The following BAHCC1 variants were observed in gnomAD, a reference collection of about 807,000 sequenced individuals.
BAHCC1 encodes BAH domain and coiled-coil containing 1, also known as BAH and coiled-coil domain-containing protein 1.
A neutral mutation model predicts 88.2 loss-of-function variants in BAHCC1; 43 were observed. The observed-to-expected ratio is 0.49, with a 90% CI of 0.38 to 0.63. The LOEUF is 0.63. Ranked by LOEUF, BAHCC1 falls within the 20% of genes least tolerant of loss-of-function variation. The pLI, the probability that BAHCC1 is intolerant of heterozygous loss-of-function variation, is 0.00. For missense variants in BAHCC1, 3,023 were observed against 1,654.8 expected, an observed-to-expected ratio of 1.83 and a Z score of -14.34; for synonymous variants, 1,510 against 745.5, an observed-to-expected ratio of 2.03 and a Z score of -16.71.
chr17:81,410,630 G>A (rs782330929), intron 2 of BAHCC1, among the ~76,000 whole-genome samples: 56 of 152,294 alleles, frequency 3.7e-4, no homozygotes, highest in Middle Eastern at 3.4e-3. Context: ...CTGGCACCAC[G>A]GGCAGTGCAG....
rs1458363307 is a variant in BAHCC1 at position 81,435,133 on chromosome 17, C to T, written c.359-3237C>T. Among the ~76,000 whole-genome samples the T allele has an allele frequency of 2.0e-5, 3 of 152,168 alleles. No homozygotes were observed. The East Asian group carries it at 5.8e-4, about 29-fold the overall frequency. ...CCCCCACTGACTGCCCACTCTCTCT[C>T]CTCCTGCCCACACCACAGGCCTCCT... On this transcript the variant is annotated intron_variant, in intron 3 of 27. Coordinates refer to ENST00000675386, the MANE Select transcript of BAHCC1 (RefSeq NM_001377448.1). This position sits in a 1 kb window ranked among gnomAD's most constrained non-coding sequence, Gnocchi z 4.4.
intron 1 of BAHCC1, chr17:81,397,223 T>A (rs2063754779): frequency 6.6e-6 from 1 of 151,752 alleles, no homozygotes; most frequent in Non-Finnish European, 1.5e-5. Flanking sequence ...GCGACAGTAA[T>A]CCACCTCCTG....
intron 2 of BAHCC1, among the ~76,000 whole-genome samples, chr17:81,418,775 A>G (rs893730083): frequency 2.8e-3 from 35 of 12,646 alleles, no homozygotes; most frequent in African/African-American, 5.5e-3. Context: ...ACGTGTGTGT[A>G]CGTGTGTGTG....
At chr17:81,405,272 C>G (rs2063864829) in intron 2 of BAHCC1, among the ~76,000 whole-genome samples, 1 of 152,148 alleles carries the variant, frequency 6.6e-6, no homozygotes, top group Non-Finnish European at 1.5e-5. Context: ...CACCATGTTT[C>G]CCATGCTGGT....
chr17:81,416,176 A>G lies in BAHCC1; in HGVS notation c.179-10624A>G, dbSNP rs143167098. The stretch of plus-strand genomic sequence containing the variant: ...AGGATGGGTGTATGTGCGTGTGTGC[A>G]TGTGTCCATGAGGGTGGGTGTATGC... On this transcript the variant is annotated intron_variant, in intron 2 of 27. Transcript: ENST00000675386. Among the ~76,000 whole-genome samples the G allele has an allele frequency of 8.8e-3, 524 of 59,670 alleles. No individual in the cohort carries two copies. In the Middle Eastern group the frequency reaches 0.12, roughly 14 times the overall value. The allele number at this position is 59,670 out of a possible 152,430, so 39.1% of individuals were successfully genotyped here. A position where few individuals can be genotyped will look rare whatever the true frequency, so the allele number is the denominator to read the frequency against.
intron 2 of BAHCC1, among the ~76,000 whole-genome samples, chr17:81,425,084 T>G (rs1249216757): frequency 2.2e-5 from 3 of 133,772 alleles, no homozygotes; most frequent in African/African-American, 8.6e-5. Flanking sequence ...GTGGGTGATG[T>G]GGTTGGTGGT....
rs184813516 is a variant in BAHCC1 at position 81,457,390 on chromosome 17, C to T, written c.4859-20C>T. 5.1e-4 allele frequency: 390 copies of T among 757,612 alleles called. No homozygotes were observed. The highest frequency in any genetic ancestry group is 4.0e-3 in the African/African-American group (236 of 58,830). The allele number at this position is 757,612 out of a possible 1,614,324, so 46.9% of individuals were successfully genotyped here. A position where few individuals can be genotyped will look rare whatever the true frequency, so the allele number is the denominator to read the frequency against. Reference sequence around the variant, plus strand: ...ACAGCTTACCATCAAGTCATCAGGACCCCTCTGCCTCTCTCCCAGGCAGTG... The same window carrying T: ...ACAGCTTACCATCAAGTCATCAGGATCCCTCTGCCTCTCTCCCAGGCAGTG... On this transcript the variant is annotated intron_variant, in intron 16 of 27. Coordinates refer to ENST00000675386, the MANE Select transcript of BAHCC1 (RefSeq NM_001377448.1).
chr17:81,415,414 G>C (rs1223799411), intron 2 of BAHCC1: 6 of 375,426 alleles, frequency 1.6e-5, no homozygotes, highest in Non-Finnish European at 3.2e-5. Context: ...ACAGAGTTTG[G>C]CAGGGGGCAT....
chr17:81,419,396 G>A (rs1175176819), intron 2 of BAHCC1, among the ~76,000 whole-genome samples: 11 of 152,264 alleles, frequency 7.2e-5, no homozygotes, highest in Admixed American at 6.5e-4. Flanking sequence ...TTCCCGGAAT[G>A]AGGAATGTGG....
intron 2 of BAHCC1, among the ~76,000 whole-genome samples, chr17:81,418,816 T>TGTGTGTAC (rs2064075595): frequency 1.3e-5 from 2 of 151,492 alleles, no homozygotes; most frequent in African/African-American, 4.9e-5. Context: ...TGTACGTGTG[T>TGTGTGTAC]GTGTGTGTGT....
intron 2 of BAHCC1, among the ~76,000 whole-genome samples, chr17:81,409,094 G>C (rs782362784): frequency 2.6e-5 from 4 of 152,200 alleles, no homozygotes; most frequent in Non-Finnish European, 4.4e-5. Flanking sequence ...ACCCAGCCAG[G>C]GTCTCTGGTC....
intron 26 of BAHCC1, 118 bp downstream of exon 26, chr17:81,462,164 A>G (rs1555659697): frequency 1.3e-5 from 8 of 598,908 alleles, no homozygotes; most frequent in Non-Finnish European, 2.1e-5. Flanking sequence ...TCAAGTTAAA[A>G]AATGTGGAAA....
chr17:81,436,082 C>T (rs549121437), intron 3 of BAHCC1, among the ~76,000 whole-genome samples: 1 of 152,206 alleles, frequency 6.6e-6, no homozygotes, highest in East Asian at 1.9e-4. Context: ...GGCACCCAGC[C>T]CCTCCCTCTC....
rs1437713468 is a variant in BAHCC1, at chr17:81,464,756, C to T, written c.*939C>T. On this transcript the variant is annotated 3_prime_UTR_variant, in exon 28 of 28. Transcript: ENST00000675386. ...CTATATCTGATTTCTGTTTCCGGGG[C>T]CAGTTGGTCTGAGGCCAAGGAGTCT... 1 of 152,486 alleles carries T rather than the reference C, an allele frequency of 6.6e-6. No individual in the cohort carries two copies. Among genetic ancestry groups the T allele is most frequent in the Non-Finnish European group, 1.5e-5 (1 of 68,030 alleles). The allele number at this position is 152,486 out of a possible 1,614,324, so 9.4% of individuals were successfully genotyped here.
chr17:81,400,149 AG>A (rs1434351803), intron 2 of BAHCC1, among the ~76,000 whole-genome samples: 1 of 151,760 alleles, frequency 6.6e-6, no homozygotes, highest in Non-Finnish European at 1.5e-5. Context: ...TCGGAGGGGC[AG>A]CCCCGGAGCC....
Position 81,461,029 on chromosome 17 carries a change from C to T in BAHCC1, c.6366C>T (p.Leu2122=). The T allele has an allele frequency of 1.3e-6, 1 of 773,328 alleles. No individual in the cohort carries two copies. The highest frequency in any genetic ancestry group is 2.4e-6 in the Non-Finnish European group (1 of 417,136). The allele number at this position is 773,328 out of a possible 1,614,324, so 47.9% of individuals were successfully genotyped here. ...ASKGPGVLQN[L]FQLNGSSKKL... is the part of the protein sequence containing the mutation. ...AGGGGCCGGGGGTGCTGCAGAACCT[C>T]TTCCAGCTCAACGGCAGCAGCAAGA... Residue 2122 remains leucine, a synonymous_variant, in exon 26 of 28, where the codon CTC becomes CTT. Transcript: ENST00000675386.
chr17:81,446,244 C>T (rs1402443475), intron 10 of BAHCC1, among the ~76,000 whole-genome samples: 1 of 152,212 alleles, frequency 6.6e-6, no homozygotes, highest in Non-Finnish European at 1.5e-5. Flanking sequence ...GGAGATGGAG[C>T]TAGCAGAGGG....
In BAHCC1 at chr17:81,459,296, A is replaced by T. The variant is rs2030034928; in HGVS notation, c.5764A>T (p.Ile1922Phe). The change falls in exon 22 of 28, where the codon ATC becomes TTC. Residue 1922 changes from isoleucine to phenylalanine, a missense_variant. Coordinates refer to ENST00000675386, the MANE Select transcript of BAHCC1 (RefSeq NM_001377448.1). ...GGGCGAGAGGGGCAACCGGCAGAGG[A>T]TCTACTCACTGGAGCAGCTGCTGCA... ...IEGERGNRQR[I>F]YSLEQLLQEA... 1.3e-6 allele frequency: 1 copy of T among 779,330 alleles called. No individual in the cohort carries two copies. Among genetic ancestry groups the T allele is most frequent in the Non-Finnish European group, 2.4e-6 (1 of 417,732 alleles). 48.3% of individuals were successfully genotyped at this position (779,330 alleles called of 1,614,324 possible).
At chr17:81,460,236 A>C (rs782465842) in intron 23 of BAHCC1, 41 bp from the exon 24 acceptor site, 1 of 728,636 alleles carries the variant, frequency 1.4e-6, no homozygotes, top group South Asian at 1.5e-5. Context: ...TCGGGCGCCT[A>C]CTGGGGGTTC....
Sources: gnomAD v4.1 joint callset for allele counts (sites outside exome capture counted in the v4.1 genomes callset) on GRCh38, gnomAD v4.1.1 for gene constraint, Gnocchi (gnomAD v3.1) non-coding constraint, MANE v1.5 for transcripts, NCBI Gene and HGNC (gene_info 2026-07-23, HGNC 2026-07-21) for gene names.